The following FIGLA variants were observed in gnomAD, a reference collection of about 807,000 sequenced individuals.
FIGLA encodes factor in the germline alpha.
In FIGLA, 17 loss-of-function variants were observed where a neutral mutation model predicts 21.5. The ratio of observed to expected loss-of-function variants is 0.79; its 90% confidence interval spans 0.54 to 1.19. FIGLA has a LOEUF of 1.19. Among genes scored for constraint, FIGLA ranks in the 50% most tolerant of loss-of-function variants. The pLI is 0.00. For synonymous variants in FIGLA, 129 were observed against 117.6 expected (o/e 1.10, Z -0.63); for missense variants, 282 against 285.0 (o/e 0.99, Z 0.08).
chr2:70,786,143 CT>C (rs1264609589), intron 2 of FIGLA, among the ~76,000 whole-genome samples: 40 of 151,728 alleles, frequency 2.6e-4, no homozygotes, highest in African/African-American at 9.2e-4. Flanking sequence ...TGTTTCTTTT[CT>C]CTCTAGTATC....
In FIGLA at chr2:70,785,545, A is replaced by T; in HGVS notation, c.479T>A (p.Ile160Asn). The change falls in exon 3 of 5, where the codon ATC (isoleucine) becomes AAC (asparagine). Residue 160 changes from isoleucine (I) to asparagine (N), a missense_variant. By Grantham distance (149) the Ile-to-Asn change is moderately radical. Transcript: ENST00000332372. ...ATTCTTCAAGCCGAAAGCACAGCTGATATGTTGGGTGATGTTTCTTGACAG... is the reference window on the plus strand; with the variant it reads ...ATTCTTCAAGCCGAAAGCACAGCTGTTATGTTGGGTGATGTTTCTTGACAG... ...RQLSRNITQH[I>N]SCAFGLKNEE... is the part of the protein sequence containing the mutation. The T allele has an allele frequency of 6.2e-7, 1 of 1,613,904 alleles. No individual in the cohort carries two copies. Among genetic ancestry groups the T allele is most frequent in the Non-Finnish European group, 8.5e-7 (1 of 1,179,880 alleles).
intron 3 of FIGLA, among the ~76,000 whole-genome samples, chr2:70,780,732 T>A (rs1394536568): frequency 2.0e-5 from 3 of 152,196 alleles, no homozygotes; most frequent in Non-Finnish European, 4.4e-5. Flanking sequence ...TTCTTCTCCC[T>A]CCTAAACAAT....
In FIGLA at chr2:70,785,578, G is replaced by T. The variant is rs1553389850; in HGVS notation, c.446C>A (p.Ala149Glu). 3.7e-6 allele frequency: 6 copies of T among 1,613,992 alleles called. No homozygotes were observed. Among genetic ancestry groups the T allele is most frequent in the Non-Finnish European group, 5.1e-6 (6 of 1,179,882 alleles). Reference protein sequence around the residue: ...NNSSESHTSSARQLSRNITQH... With the variant: ...NNSSESHTSSERQLSRNITQH... ...GGTGATGTTTCTTGACAGCTGTCTT[G>T]CCGAGGATGTATGTGATTCAGAACT... Residue 149 changes from alanine to glutamate, a missense_variant, in exon 3 of 5, where the codon GCA becomes GAA. Ala to Glu is a moderately radical substitution (Grantham distance 107, BLOSUM62 -1). Transcript: ENST00000332372.
intron 3 of FIGLA, among the ~76,000 whole-genome samples, chr2:70,782,577 C>G (rs6546630): frequency 0.23 from 35,034 of 152,134 alleles, 5,426 homozygotes; most frequent in East Asian, 0.62. Flanking sequence ...GCGGTAACGC[C>G]GCAACATTAA....
At chr2:70,783,447 C>T (rs1221649405) in intron 3 of FIGLA, among the ~76,000 whole-genome samples, 2 of 152,312 alleles carry the variant, frequency 1.3e-5, no homozygotes, top group African/African-American at 4.8e-5. Context: ...AAGGACCTCC[C>T]ATCAAATGTA....
intron 4 of FIGLA, 42 bp downstream of exon 4, chr2:70,777,595 G>A (rs1553388495): frequency 3.8e-6 from 6 of 1,591,988 alleles, no homozygotes; most frequent in Non-Finnish European, 3.4e-6. Context: ...AGCCAGTGGT[G>A]TTATAAATTG....
chr2:70,780,749 CTAA>C (rs1428310109), intron 3 of FIGLA, among the ~76,000 whole-genome samples: 1 of 152,130 alleles, frequency 6.6e-6, no homozygotes, highest in African/African-American at 2.4e-5. Flanking sequence ...CAATTCAGTA[CTAA>C]TGTCATCAGT....
Position 70,787,686 on chromosome 2 carries a change from A to T in FIGLA, c.347T>A (p.Val116Asp). Residue 116 changes from valine (V) to aspartate (D), a missense_variant, in exon 2 of 5, where the codon GTT (valine) becomes GAT (aspartate). Val to Asp is a radical substitution (Grantham distance 152, BLOSUM62 -3). Coordinates refer to ENST00000332372, the MANE Select transcript of FIGLA (RefSeq NM_001004311.3). Reference sequence around the variant, plus strand: ...GGCTCCTTCCAAAAGATCACTGAGAACCTGTATATATTCAGTCGCACCTTT... The same window carrying T: ...GGCTCCTTCCAAAAGATCACTGAGATCCTGTATATATTCAGTCGCACCTTT... Reference protein sequence around the residue: ...ILKGATEYIQVLSDLLEGAKD... With the variant: ...ILKGATEYIQDLSDLLEGAKD... 1 of 1,592,602 alleles carries T rather than the reference A, an allele frequency of 6.3e-7. No individual in the cohort carries two copies. Among genetic ancestry groups the T allele is most frequent in the Non-Finnish European group, 8.6e-7 (1 of 1,169,088 alleles).
rs782762805 is a variant in FIGLA at position 70,785,582 on chromosome 2, A to T, written c.442T>A (p.Ser148Thr). The change falls in exon 3 of 5, where the codon TCG becomes ACG. Residue 148 changes from serine (S) to threonine (T), a missense_variant. Coordinates refer to ENST00000332372, the MANE Select transcript of FIGLA (RefSeq NM_001004311.3). The part of the protein sequence containing the change: ...SNNSSESHTS[S>T]ARQLSRNITQ... ...ATGTTTCTTGACAGCTGTCTTGCCGAGGATGTATGTGATTCAGAACTGTTG... is the reference window on the plus strand; with the variant it reads ...ATGTTTCTTGACAGCTGTCTTGCCGTGGATGTATGTGATTCAGAACTGTTG... The T allele has an allele frequency of 3.7e-6, 6 of 1,613,990 alleles. No individual in the cohort carries two copies. The South Asian group carries it at 4.4e-5, about 12-fold the overall frequency.
At chr2:70,786,302 A>G (rs1574352096) in intron 2 of FIGLA, among the ~76,000 whole-genome samples, 1 of 118,678 alleles carries the variant, frequency 8.4e-6, no homozygotes, top group African/African-American at 3.3e-5. Context: ...TCGGACTTCT[A>G]GGTTTTCTTT....
chr2:70,784,938 C>A (rs1431159918), intron 3 of FIGLA, among the ~76,000 whole-genome samples: 11 of 103,270 alleles, frequency 1.1e-4, no homozygotes, highest in African/African-American at 4.2e-4. Context: ...AGCACCACCC[C>A]CCACCACAAA....
At chr2:70,788,617 C>A (rs1354340145) in intron 1 of FIGLA, among the ~76,000 whole-genome samples, 2 of 152,162 alleles carry the variant, frequency 1.3e-5, no homozygotes, top group Non-Finnish European at 2.9e-5. Context: ...GCAAACCAGA[C>A]AAGGGACATA....
At chr2:70,789,072 GA>G (rs1243685525) in intron 1 of FIGLA, among the ~76,000 whole-genome samples, 1 of 151,964 alleles carries the variant, frequency 6.6e-6, no homozygotes, top group Non-Finnish European at 1.5e-5. Context: ...TTCTTTGAAA[GA>G]ATACTTAAGA....
At chr2:70,790,236 G>A (rs1196690206) in intron 1 of FIGLA, among the ~76,000 whole-genome samples, 172 bp downstream of exon 1, 5 of 152,238 alleles carry the variant, frequency 3.3e-5, no homozygotes, top group Admixed American at 2.6e-4. Flanking sequence ...CGGAGGTGCA[G>A]AAGAAGGAGG....
intron 3 of FIGLA, among the ~76,000 whole-genome samples, chr2:70,780,828 G>A (rs1175979399): frequency 6.6e-6 from 1 of 152,122 alleles, no homozygotes; most frequent in African/African-American, 2.4e-5. Context: ...GCCCAAGCAG[G>A]GTGAGATGGC....
At chr2:70,786,504 C>T (rs1675959663) in intron 2 of FIGLA, among the ~76,000 whole-genome samples, 1 of 152,066 alleles carries the variant, frequency 6.6e-6, no homozygotes, top group African/African-American at 2.4e-5. Context: ...TGGGGTTTCA[C>T]CATGTTAGCC....
chr2:70,787,612 T>G, intron 2 of FIGLA, 37 bp downstream of exon 2: 4 of 1,542,384 alleles, frequency 2.6e-6, no homozygotes, highest in Non-Finnish European at 3.5e-6. Context: ...GCCTAATAAA[T>G]GGTGGCTATC....
chr2:70,785,288 C>G (rs1431925070), intron 3 of FIGLA, 127 bp downstream of exon 3: 3 of 830,934 alleles, frequency 3.6e-6, no homozygotes, highest in Non-Finnish European at 5.7e-6. Context: ...CCCACTGCCC[C>G]ACCCAAAGGC....
chr2:70,784,344 T>A (rs1675907182), intron 3 of FIGLA, among the ~76,000 whole-genome samples: 1 of 152,192 alleles, frequency 6.6e-6, no homozygotes. Context: ...TGCTCACTAA[T>A]CAATGTTGAT....
Sources: allele counts gnomAD v4.1 joint callset (sites outside exome capture counted in the v4.1 genomes callset), GRCh38; gene constraint gnomAD v4.1.1; transcripts MANE v1.5; gene names NCBI Gene and HGNC (gene_info 2026-07-23, HGNC 2026-07-21).